The following HEATR4 variants were observed in gnomAD, a reference collection of about 807,000 sequenced individuals.
The protein encoded by HEATR4 is HEAT repeat containing 4.
A neutral mutation model predicts 108.8 loss-of-function variants in HEATR4; 95 were observed. The ratio of observed to expected loss-of-function variants is 0.87; its 90% CI spans 0.74 to 1.04. The LOEUF (loss-of-function observed/expected upper bound fraction) is 1.04, where lower values mean the gene tolerates loss of function less well. Among genes scored for constraint, HEATR4 ranks in the 50% least tolerant of loss-of-function variants. The pLI is 0.00. For missense variants in HEATR4, 1,152 were observed against 1,253.8 expected, an observed-to-expected ratio of 0.92 and a Z score of 1.23; for synonymous variants, 443 against 459.4, an observed-to-expected ratio of 0.96 and a Z score of 0.46.
In HEATR4 at chr14:73,512,061, T is replaced by C. The variant is rs1555391288; in HGVS notation, c.1503A>G (p.Thr501=). The change falls in exon 7 of 18, where the codon ACA becomes ACG. Residue 501 remains threonine, a synonymous_variant. Coordinates refer to ENST00000553558, the MANE Select transcript of HEATR4 (RefSeq NM_001220484.1). ...HDDVRIKAIT[T]CATAALERPR... ...GCCGTTCCAAAGCAGCTGTGGCACA[T>C]GTGGTGATAGCTTTGATCCGAACGT... 4 of 1,614,040 alleles carry C rather than the reference T, an allele frequency of 2.5e-6. No homozygotes were observed. The highest frequency in any genetic ancestry group is 3.4e-6 in the Non-Finnish European group (4 of 1,179,970).
chr14:73,603,068 G>A, the HEATR4 span, among the ~76,000 whole-genome samples: 3 of 136,336 alleles, frequency 2.2e-5, no homozygotes, highest in African/African-American at 7.4e-5. Flanking sequence ...TTACAATGAT[G>A]ACTCTTAGCA....
At chr14:73,486,436 G>A (rs139873590) in intron 17 of HEATR4, among the ~76,000 whole-genome samples, 2 of 152,194 alleles carry the variant, frequency 1.3e-5, no homozygotes, top group East Asian at 1.9e-4. Flanking sequence ...GGTGGCTCAC[G>A]CCCGTAATTC....
chr14:73,572,403 C>T, the HEATR4 span, among the ~76,000 whole-genome samples: 6 of 146,940 alleles, frequency 4.1e-5, no homozygotes, highest in African/African-American at 1.4e-4. Context: ...AACAGTCAAA[C>T]CCTAGGAGAA....
chr14:73,600,217 C>T, the HEATR4 span, among the ~76,000 whole-genome samples: 3 of 152,244 alleles, frequency 2.0e-5, no homozygotes, highest in South Asian at 2.1e-4. Flanking sequence ...CCGGAGAACA[C>T]GCTGCCAATT....
At chr14:73,606,120 A>G in the HEATR4 span, among the ~76,000 whole-genome samples, 1 of 152,242 alleles carries the variant, frequency 6.6e-6, no homozygotes, top group East Asian at 1.9e-4. Flanking sequence ...CAAGTTGTCC[A>G]TAAAAACTGT....
At chr14:73,563,973 C>A in the HEATR4 span, among the ~76,000 whole-genome samples, 1 of 151,736 alleles carries the variant, frequency 6.6e-6, no homozygotes, top group South Asian at 2.1e-4. Flanking sequence ...TGCACTCCAA[C>A]CTGGGTGACA....
chr14:73,522,934 GAA>G lies in HEATR4; in HGVS notation c.217_218del (p.Phe73LeufsTer16), dbSNP rs765352715. ...CTCGCTGCCACACCACCTCCTGAGA[GAA>G]GGTAAGGTTTGCAGCAGCCATTTTC... ...YLKMAAANLTFSQEVVWQRGL... is the reference protein window; with the variant it reads ...YLKMAAANLTXSQEVVWQRGL... On this transcript the variant is annotated frameshift_variant, in exon 3 of 18. Coordinates refer to ENST00000553558, the MANE Select transcript of HEATR4 (RefSeq NM_001220484.1). LOFTEE classifies it high-confidence loss of function. 6.2e-7 allele frequency: 1 copy of G among 1,614,244 alleles called. No homozygotes were observed. The highest frequency in any genetic ancestry group is 8.5e-7 in the Non-Finnish European group (1 of 1,180,040).
At position 73,509,414 on chromosome 14, in the gene HEATR4, C is replaced by T. The variant is rs1280426886; in HGVS notation, c.1618G>A (p.Asp540Asn). Residue 540 changes from aspartate to asparagine, a missense_variant, in exon 8 of 18, where the codon GAC becomes AAC. Physicochemically the swap from Asp to Asn is conservative, Grantham distance 23. Transcript: ENST00000553558. Reference sequence around the variant, plus strand: ...GCCATCCGCACATGGGCATTCTTGTCACAAAGAGCAGCCTCTAGGGCAGGC... The same window carrying T: ...GCCATCCGCACATGGGCATTCTTGTTACAAAGAGCAGCCTCTAGGGCAGGC... ...LLPALEAALC[D>N]KNAHVRMAAA... The T allele has an allele frequency of 1.2e-6, 2 of 1,613,954 alleles. No individual in the cohort carries two copies. Among genetic ancestry groups the T allele is most frequent in the African/African-American group, 1.3e-5 (1 of 74,894 alleles).
At chr14:73,574,657 C>T in the HEATR4 span, among the ~76,000 whole-genome samples, 13 of 151,944 alleles carry the variant, frequency 8.6e-5, no homozygotes, top group South Asian at 6.2e-4. Context: ...ATGGGAGATA[C>T]GAGATTAAGG....
chr14:73,538,611 CA>C (rs59948219), intron 1 of HEATR4, among the ~76,000 whole-genome samples: 1,825 of 27,216 alleles, frequency 0.067, 93 homozygotes, highest in South Asian at 0.23. Context: ...GACTCCGTCT[CA>C]AAAAAAAAAA....
chr14:73,508,328 G>T (rs746568461), intron 8 of HEATR4, 34 bp from the exon 9 acceptor site: 1 of 1,607,218 alleles, frequency 6.2e-7, no homozygotes, highest in South Asian at 1.1e-5. Flanking sequence ...GTTCAGAATG[G>T]TGATGTGTTT....
At chr14:73,583,877 G>A in the HEATR4 span, among the ~76,000 whole-genome samples, 1 of 152,030 alleles carries the variant, frequency 6.6e-6, no homozygotes, top group Admixed American at 6.6e-5. Flanking sequence ...GTGCGCACCT[G>A]TAGTCCCAGC....
At chr14:73,587,487 C>T in the HEATR4 span, among the ~76,000 whole-genome samples, 2 of 152,048 alleles carry the variant, frequency 1.3e-5, no homozygotes, top group Admixed American at 6.6e-5. Flanking sequence ...CGGGACATTG[C>T]TGGGACTACA....
chr14:73,625,171 G>C, the HEATR4 span, among the ~76,000 whole-genome samples: 3 of 152,052 alleles, frequency 2.0e-5, no homozygotes, highest in Admixed American at 2.0e-4. Context: ...CGATTCTCCT[G>C]CCTCAGCCTC....
At chr14:73,482,732 C>T (rs1885305641) in intron 17 of HEATR4, among the ~76,000 whole-genome samples, 1 of 152,158 alleles carries the variant, frequency 6.6e-6, no homozygotes, top group African/African-American at 2.4e-5. Flanking sequence ...TCTCGGCTCA[C>T]CATAACCTCC....
chr14:73,493,076 G>C lies in HEATR4; in HGVS notation c.2834C>G (p.Ala945Gly), dbSNP rs746840355. The C allele has an allele frequency of 6.2e-7, 1 of 1,601,434 alleles. No homozygotes were observed. Among genetic ancestry groups the C allele is most frequent in the Non-Finnish European group, 8.5e-7 (1 of 1,178,446 alleles). Residue 945 changes from alanine to glycine, a missense_variant, in exon 17 of 18, where the codon GCA becomes GGA. Coordinates refer to ENST00000553558, the MANE Select transcript of HEATR4 (RefSeq NM_001220484.1). ...TGTGCTCACATTTACCTTTATCACT[G>C]CTTCAGTGTCACAAACCTCGGAAGG... is the stretch of plus-strand genomic sequence containing the variant. ...RRPSEVCDTEAVIKPVKPRAP... is the reference protein window; with the variant it reads ...RRPSEVCDTEGVIKPVKPRAP...
the HEATR4 span, chr14:73,619,724 A>G: frequency 1.1e-4 from 176 of 1,614,164 alleles, no homozygotes; most frequent in Non-Finnish European, 1.2e-4. Flanking sequence ...GCAATATTCT[A>G]TGGAGGTGAG....
the HEATR4 span, chr14:73,591,682 C>A: frequency 2.7e-6 from 1 of 370,188 alleles, no homozygotes; most frequent in East Asian, 4.0e-5. Context: ...TGGTGTGAGG[C>A]AGAGAGGCTT....
upstream of HEATR4, among the ~76,000 whole-genome samples, chr14:73,561,425 C>T (rs1186647694): frequency 6.6e-6 from 1 of 151,148 alleles, no homozygotes; most frequent in Non-Finnish European, 1.5e-5. Context: ...CAGTGGCTCA[C>T]GCCTATAATC....
Sources: gnomAD v4.1 joint callset for allele counts (sites outside exome capture counted in the v4.1 genomes callset) on GRCh38, gnomAD v4.1.1 for gene constraint, MANE v1.5 for transcripts, NCBI Gene and HGNC (gene_info 2026-07-23, HGNC 2026-07-21) for gene names.